Variants in MBTPS1 observed in about 807,000 individuals in gnomAD.
The protein encoded by MBTPS1 is membrane bound transcription factor peptidase, site 1, also known as membrane-bound transcription factor site-1 protease.
Under a neutral mutation model 127.8 loss-of-function variants are expected in MBTPS1, and 94 were observed. The ratio of observed to expected loss-of-function variants is 0.74; its 90% CI spans 0.62 to 0.87. The LOEUF (loss-of-function observed/expected upper bound fraction) is 0.87, where lower values mean the gene tolerates loss of function less well. Ranked by LOEUF, MBTPS1 falls within the 40% of genes least tolerant of loss-of-function variation. The probability of loss-of-function intolerance (pLI) is 0.00; values close to 1 mark genes in which losing one functional copy is unlikely to be tolerated. For synonymous variants in MBTPS1, 632 were observed against 509.4 expected (o/e 1.24, Z -3.24); for missense variants, 1,636 against 1,353.2 (o/e 1.21, Z -3.28).
Position 84,065,694 on chromosome 16 carries a change from G to C in MBTPS1, c.2427C>G (p.Asp809Glu). The stretch of plus-strand genomic sequence containing the variant: ...CCCATGAATGGCATCCTTTACCTTG[G>C]TCCTTGAAAGTCTGTGTTATCACGA... ...DGVVITQTFK[D>E]QGLEVLKQET... is the part of the protein sequence containing the mutation. The change falls in exon 18 of 23, where the codon GAC becomes GAG. Residue 809 changes from aspartate (D) to glutamate (E), a missense_variant. Asp to Glu is a conservative substitution (Grantham distance 45). Transcript: ENST00000343411. The C allele has an allele frequency of 6.2e-7, 1 of 1,611,850 alleles. No homozygotes were observed. The highest frequency in any genetic ancestry group is 8.5e-7 in the Non-Finnish European group (1 of 1,178,298).
intron 8 of MBTPS1, 135 bp downstream of exon 8, chr16:84,090,740 G>A: frequency 1.5e-6 from 1 of 673,284 alleles, no homozygotes. Flanking sequence ...TTTTTTACAT[G>A]AGGAAAACAT....
At chr16:84,056,827 A>G (rs1480888838) in intron 21 of MBTPS1, 2 of 152,272 alleles carry the variant, frequency 1.3e-5, no homozygotes, top group Non-Finnish European at 2.9e-5. Context: ...TCAGGCCAAT[A>G]CAACTTAGAC....
intron 16 of MBTPS1, among the ~76,000 whole-genome samples, chr16:84,067,213 G>C (rs2085698252): frequency 6.6e-6 from 1 of 152,136 alleles, no homozygotes; most frequent in Admixed American, 6.5e-5. Flanking sequence ...GTTTAAACCT[G>C]AAGTATCTCA....
rs1555512200 is a variant in MBTPS1, at chr16:84,090,855, TC to T, written c.1031+19del. The T allele has an allele frequency of 6.3e-7, 1 of 1,590,824 alleles. No homozygotes were observed. The highest frequency in any genetic ancestry group is 1.3e-5 in the African/African-American group (1 of 74,130). ...AAGGGGGAAAAAATCCCCGAGGTCA[TC>T]CCTGCTGGGGCTACTTACCCATAAA... On this transcript the variant is annotated intron_variant, in intron 8 of 22. Coordinates refer to ENST00000343411, the MANE Select transcript of MBTPS1 (RefSeq NM_003791.4).
chr16:84,105,001 G>C, intron 1 of MBTPS1, among the ~76,000 whole-genome samples: 1 of 151,878 alleles, frequency 6.6e-6, no homozygotes, highest in Non-Finnish European at 1.5e-5. Context: ...ACTCCGGAGG[G>C]TGAGGCAGGA....
intron 19 of MBTPS1, chr16:84,061,537 G>C (rs1597304047): frequency 6.6e-6 from 1 of 152,470 alleles, no homozygotes; most frequent in East Asian, 1.9e-4. Flanking sequence ...CATGGCTCCT[G>C]CTGCATCCCA....
chr16:84,069,738 T>A, intron 14 of MBTPS1, 128 bp downstream of exon 14: 1 of 878,110 alleles, frequency 1.1e-6, no homozygotes, highest in African/African-American at 1.7e-5. Context: ...AGCCTGAACA[T>A]CTCAGCGTCA....
At chr16:84,090,735 T>A in intron 8 of MBTPS1, 140 bp downstream of exon 8, 1 of 656,824 alleles carries the variant, frequency 1.5e-6, no homozygotes, top group Non-Finnish European at 2.7e-6. Context: ...AGTATTTTTT[T>A]ACATGAGGAA....
intron 1 of MBTPS1, among the ~76,000 whole-genome samples, chr16:84,102,325 A>G (rs2086268805): frequency 6.6e-6 from 1 of 152,206 alleles, no homozygotes; most frequent in Non-Finnish European, 1.5e-5. Flanking sequence ...CTAAAATAAT[A>G]AAATAATAAA....
rs765660196 is a variant in MBTPS1 at position 84,099,038 on chromosome 16, A to G, written c.421+15T>C. ...AAACAGCAGAGAGAAATTTGCCTAC[A>G]GTCACAATACTCACATTCAGCATAC... On this transcript the variant is annotated intron_variant, in intron 3 of 22. Coordinates refer to ENST00000343411, the MANE Select transcript of MBTPS1 (RefSeq NM_003791.4). 1.2e-6 allele frequency: 2 copies of G among 1,610,242 alleles called. No homozygotes were observed. The highest frequency in any genetic ancestry group is 2.2e-5 in the East Asian group (1 of 44,816).
At chr16:84,100,284 C>A (rs112146540) in intron 2 of MBTPS1, among the ~76,000 whole-genome samples, 2,621 of 152,272 alleles carry the variant, frequency 0.017, 24 homozygotes, top group Non-Finnish European at 0.026. Context: ...GTGGCTCATG[C>A]CTGTAATCCC....
chr16:84,073,910 C>G (rs1469259439), intron 12 of MBTPS1, among the ~76,000 whole-genome samples: 1 of 151,984 alleles, frequency 6.6e-6, no homozygotes, highest in African/African-American at 2.4e-5. Context: ...GGAGGCTGAG[C>G]CAGTAGAATC....
In MBTPS1 at chr16:84,060,757, G is replaced by A; in HGVS notation, c.2629C>T (p.Pro877Ser). The A allele has an allele frequency of 6.2e-7, 1 of 1,610,376 alleles. No individual in the cohort carries two copies. Among genetic ancestry groups the A allele is most frequent in the Non-Finnish European group, 8.5e-7 (1 of 1,178,346 alleles). The stretch of plus-strand genomic sequence containing the variant: ...CGGTTCCCAGAGTGACTGAGGCTAG[G>A]CGGTGTCACCCCATACGATGTGTAC... Reference protein sequence around the residue: ...LQYTSYGVTPPSLSHSGNRQR... With the variant: ...LQYTSYGVTPSSLSHSGNRQR... Residue 877 changes from proline to serine, a missense_variant, in exon 20 of 23, where the codon CCT becomes TCT. Transcript: ENST00000343411.
intron 20 of MBTPS1, chr16:84,060,375 T>C (rs550447952): frequency 9.5e-5 from 24 of 252,428 alleles, no homozygotes; most frequent in African/African-American, 4.4e-4. Context: ...CCTGAAGATC[T>C]GTAGGAGCCA....
At chr16:84,058,038 G>A (rs913759647) in intron 21 of MBTPS1, 1 of 152,166 alleles carries the variant, frequency 6.6e-6, no homozygotes, top group African/African-American at 2.4e-5. Context: ...CTAATAGAAG[G>A]TTATAAATAA....
At chr16:84,107,672 G>C (rs1168884706) in intron 1 of MBTPS1, among the ~76,000 whole-genome samples, 2 of 151,518 alleles carry the variant, frequency 1.3e-5, no homozygotes, top group Non-Finnish European at 2.9e-5. Flanking sequence ...GGTCCCCAAG[G>C]CTGAGCTTAT....
At chr16:84,055,366 C>A (rs2085506930) in intron 22 of MBTPS1, among the ~76,000 whole-genome samples, 1 of 152,144 alleles carries the variant, frequency 6.6e-6, no homozygotes, top group Admixed American at 6.6e-5. Flanking sequence ...CTCTTGGTAG[C>A]TATAAACTCT....
rs138765872 is a variant in MBTPS1 at position 84,059,740 on chromosome 16, C to T, written c.2705-312G>A. On this transcript the variant is annotated intron_variant, in intron 20 of 22. Transcript: ENST00000343411. Reference sequence around the variant, plus strand: ...ACTGACACACGCAAGGCTACACCTGCGAAATCTAAGCTACAGACCGGTTTC... The same window carrying T: ...ACTGACACACGCAAGGCTACACCTGTGAAATCTAAGCTACAGACCGGTTTC... 240 of 186,024 alleles carry T rather than the reference C, an allele frequency of 1.3e-3. 1 individual carries two copies. Among genetic ancestry groups the T allele is most frequent in the Non-Finnish European group, 1.5e-3 (139 of 90,514 alleles). The allele number at this position is 186,024 out of a possible 1,614,324, so 11.5% of individuals were successfully genotyped here. A position where few individuals can be genotyped will look rare whatever the true frequency, so the allele number is the denominator to read the frequency against.
chr16:84,054,368 A>G lies in MBTPS1; in HGVS notation c.*81T>C. On this transcript the variant is annotated 3_prime_UTR_variant, in exon 23 of 23. Coordinates refer to ENST00000343411, the MANE Select transcript of MBTPS1 (RefSeq NM_003791.4). ...CTGGAAACTGGATCCCTTTTAAACC[A>G]GCCGCCACCACAGCTCGGCTCACCC... 1 of 1,324,414 alleles carries G rather than the reference A, an allele frequency of 7.6e-7. No individual in the cohort carries two copies. Among genetic ancestry groups the G allele is most frequent in the Admixed American group, 2.6e-5 (1 of 37,948 alleles). The allele number at this position is 1,324,414 out of a possible 1,614,324, so 82.0% of individuals were successfully genotyped here.
Sources: allele counts gnomAD v4.1 joint callset (sites outside exome capture counted in the v4.1 genomes callset), GRCh38; gene constraint gnomAD v4.1.1; transcripts MANE v1.5; gene names NCBI Gene and HGNC (gene_info 2026-07-23, HGNC 2026-07-21).